The following DLGAP1 variants were observed in gnomAD, a reference collection of about 807,000 sequenced individuals.
The protein encoded by DLGAP1 is disks large-associated protein 1.
DLGAP1 carries 11 observed loss-of-function variants against 90.8 expected under a neutral mutation model. That is an observed-to-expected ratio of 0.12 (90% CI 0.08 to 0.20). The LOEUF is 0.20. Ranked by LOEUF, DLGAP1 falls within the 10% of genes least tolerant of loss-of-function variation. DLGAP1 has a pLI of 1.00. For synonymous variants in DLGAP1, 558 were observed against 540.7 expected (o/e 1.03, Z -0.44); for missense variants, 1,050 against 1,333.8 (o/e 0.79, Z 3.31).
chr18:3,990,567 G>A (rs1242965483), intron 3 of DLGAP1, among the ~76,000 whole-genome samples: 2 of 150,166 alleles, frequency 1.3e-5, no homozygotes, highest in East Asian at 3.9e-4. Flanking sequence ...ACACCAACAT[G>A]GCACATGTAT....
intron 7 of DLGAP1, among the ~76,000 whole-genome samples, chr18:3,704,480 G>A (rs2061374103): frequency 6.6e-6 from 1 of 151,938 alleles, no homozygotes; most frequent in African/African-American, 2.4e-5. Flanking sequence ...TGAGGCAGGA[G>A]AATCGCTTGA....
chr18:4,281,781 T>C (rs972533046), intron 1 of DLGAP1, among the ~76,000 whole-genome samples: 4 of 152,180 alleles, frequency 2.6e-5, no homozygotes, highest in Non-Finnish European at 4.4e-5. Context: ...CAGTCACTTA[T>C]AGACACACAC....
At chr18:4,008,962 G>C (rs1396352630) in intron 2 of DLGAP1, among the ~76,000 whole-genome samples, 1 of 152,054 alleles carries the variant, frequency 6.6e-6, no homozygotes, top group Non-Finnish European at 1.5e-5. Flanking sequence ...GGAGTGCGGT[G>C]GCGCGATCTC....
At chr18:3,514,217 C>G (rs1187860098) in intron 10 of DLGAP1, among the ~76,000 whole-genome samples, 2 of 152,050 alleles carry the variant, frequency 1.3e-5, no homozygotes, top group Non-Finnish European at 2.9e-5. Flanking sequence ...AGTGATTCTC[C>G]TGCCTCAGCC....
At position 3,727,500 on chromosome 18, in the gene DLGAP1, T is replaced by C. The variant is rs996143168; in HGVS notation, c.1591+1635A>G. Among the ~76,000 whole-genome samples, 2 of 152,084 alleles carry C rather than the reference T, an allele frequency of 1.3e-5. No individual in the cohort carries two copies. The highest frequency in any genetic ancestry group is 2.4e-5 in the African/African-American group (1 of 41,400). On this transcript the variant is annotated intron_variant, in intron 7 of 12. Transcript: ENST00000315677. The surrounding 1 kb of genome is among the most constrained non-coding windows in gnomAD (Gnocchi z 4.7). ...TGTGACTTCTGGGCCAGGATCTGCA[T>C]TTTACATATTTAAGGAGCGATTTCA...
intron 3 of DLGAP1, among the ~76,000 whole-genome samples, chr18:3,993,401 T>C (rs1488399602): frequency 6.6e-6 from 1 of 152,120 alleles, no homozygotes; most frequent in African/African-American, 2.4e-5. Flanking sequence ...TTTGTCCATA[T>C]GTATGTGACA....
chr18:3,717,804 T>C (rs544711893), intron 7 of DLGAP1, among the ~76,000 whole-genome samples: 3 of 152,322 alleles, frequency 2.0e-5, no homozygotes, highest in Admixed American at 2.0e-4. Flanking sequence ...TGTGTTTAGA[T>C]GGCTAATTGC....
intron 7 of DLGAP1, among the ~76,000 whole-genome samples, chr18:3,638,690 AT>A (rs1392783415): frequency 1.3e-5 from 2 of 152,236 alleles, no homozygotes; most frequent in East Asian, 3.8e-4. Context: ...TTAATCTTAC[AT>A]TTTTAAAAGT....
chr18:4,073,965 T>G (rs975679266), intron 2 of DLGAP1, among the ~76,000 whole-genome samples: 10 of 152,116 alleles, frequency 6.6e-5, no homozygotes, highest in African/African-American at 2.2e-4. Context: ...AAGCATGAAG[T>G]GAAGATGAAG....
chr18:4,355,866 C>T (rs1290399588), intron 1 of DLGAP1, among the ~76,000 whole-genome samples: 3 of 80,930 alleles, frequency 3.7e-5, no homozygotes, highest in African/African-American at 1.0e-4. Context: ...CTCTCTGCTT[C>T]CTCTTCTGCT....
At chr18:4,117,390 A>ACT (rs1382763304) in intron 2 of DLGAP1, among the ~76,000 whole-genome samples, 4 of 152,224 alleles carry the variant, frequency 2.6e-5, no homozygotes, top group Non-Finnish European at 5.9e-5. Context: ...AATACATTGT[A>ACT]GCAACACTGC....
chr18:3,923,188 A>G (rs62083593), intron 3 of DLGAP1, among the ~76,000 whole-genome samples: 20,602 of 149,880 alleles, frequency 0.14, 1,482 homozygotes, highest in South Asian at 0.17. Flanking sequence ...CAGTGTTCAT[A>G]CTGTTCATTG....
At position 3,534,508 on chromosome 18, in the gene DLGAP1, C is replaced by T; in HGVS notation, c.2165G>A (p.Cys722Tyr). ...GAACTGTCTGGCCATGGGGCCAGGACACGAATTGTCCTCTATAGATTCCAG... is the reference window on the plus strand; with the variant it reads ...GAACTGTCTGGCCATGGGGCCAGGATACGAATTGTCCTCTATAGATTCCAG... ...NSLESIEDNS[C>Y]PGPMARQFSR... Residue 722 changes from cysteine (C) to tyrosine (Y), a missense_variant, in exon 10 of 13, where the codon TGT becomes TAT. Coordinates refer to ENST00000315677, the MANE Select transcript of DLGAP1 (RefSeq NM_004746.4). 1.9e-6 allele frequency: 3 copies of T among 1,614,186 alleles called. No homozygotes were observed. The East Asian group carries it at 6.7e-5, about 36-fold the overall frequency.
intron 2 of DLGAP1, among the ~76,000 whole-genome samples, chr18:4,103,096 G>C (rs2143897788): frequency 6.6e-6 from 1 of 152,344 alleles, no homozygotes; most frequent in Admixed American, 6.5e-5. Context: ...ACTTGGCGGA[G>C]AAAGTGTTTC....
chr18:3,856,723 T>A (rs900752712), intron 4 of DLGAP1, among the ~76,000 whole-genome samples: 5 of 151,782 alleles, frequency 3.3e-5, no homozygotes, highest in African/African-American at 1.2e-4. Flanking sequence ...TAGCCGGGTG[T>A]GGTGGCAGGC....
intron 3 of DLGAP1, among the ~76,000 whole-genome samples, chr18:3,985,543 G>C (rs533277182): frequency 6.9e-6 from 1 of 145,162 alleles, no homozygotes; most frequent in Non-Finnish European, 1.5e-5. Flanking sequence ...TTTTAACATA[G>C]AACAAAATAA....
intron 7 of DLGAP1, among the ~76,000 whole-genome samples, chr18:3,611,037 C>T (rs1016995500): frequency 3.3e-5 from 5 of 151,680 alleles, no homozygotes; most frequent in Non-Finnish European, 5.9e-5. Context: ...GAGGCTGAGG[C>T]GGGAGGATTG....
intron 1 of DLGAP1, among the ~76,000 whole-genome samples, chr18:4,241,931 CAT>C (rs1162012759): frequency 6.6e-6 from 1 of 152,110 alleles, no homozygotes; most frequent in East Asian, 1.9e-4. Context: ...TCATGTACCA[CAT>C]GTTGTTTTGA....
At chr18:3,805,197 C>T (rs1367279545) in intron 5 of DLGAP1, among the ~76,000 whole-genome samples, 1 of 152,232 alleles carries the variant, frequency 6.6e-6, no homozygotes, top group East Asian at 1.9e-4. Context: ...CTTCTCGAAT[C>T]TGCATAATTA....
Sources: gnomAD v4.1 joint callset for allele counts (sites outside exome capture counted in the v4.1 genomes callset) on GRCh38, gnomAD v4.1.1 for gene constraint, Gnocchi (gnomAD v3.1) non-coding constraint, MANE v1.5 for transcripts, NCBI Gene and HGNC (gene_info 2026-07-23, HGNC 2026-07-21) for gene names.